CAMKMT: variants seen among roughly 807,000 people sequenced by gnomAD.
CAMKMT encodes the protein calmodulin-lysine N-methyltransferase.
In CAMKMT, 53 loss-of-function variants were observed where a neutral mutation model predicts 48.0. The ratio of observed to expected loss-of-function variants is 1.10; its 90% CI spans 0.89 to 1.39. The LOEUF (loss-of-function observed/expected upper bound fraction) is 1.39, where lower values mean the gene tolerates loss of function less well. Ranked by LOEUF, CAMKMT falls within the 40% of genes most tolerant of loss-of-function variation. The pLI, the probability that CAMKMT is intolerant of heterozygous loss-of-function variation, is 0.00. For missense variants in CAMKMT, 428 were observed against 402.7 expected, an observed-to-expected ratio of 1.06 and a Z score of -0.54; for synonymous variants, 165 against 152.3, an observed-to-expected ratio of 1.08 and a Z score of -0.61.
intron 3 of CAMKMT, among the ~76,000 whole-genome samples, chr2:44,601,994 T>C (rs1487880890): frequency 6.6e-6 from 1 of 152,062 alleles, no homozygotes; most frequent in African/African-American, 2.4e-5. Flanking sequence ...AGTCTGCTTT[T>C]TAAAAATATA....
At chr2:44,397,229 AAG>A (rs1681938950) in intron 3 of CAMKMT, among the ~76,000 whole-genome samples, 1 of 152,280 alleles carries the variant, frequency 6.6e-6, no homozygotes, top group Admixed American at 6.5e-5. Context: ...GGAAAGTACA[AAG>A]AGGTTAAAGT....
At chr2:44,418,231 T>C (rs571433078) in intron 3 of CAMKMT, among the ~76,000 whole-genome samples, 47 of 151,560 alleles carry the variant, frequency 3.1e-4, no homozygotes, top group Non-Finnish European at 1.3e-4. Context: ...GCTTATTATA[T>C]ACTCTGAAGA....
chr2:44,378,739 A>G (rs1473565535), intron 2 of CAMKMT, among the ~76,000 whole-genome samples: 5 of 152,122 alleles, frequency 3.3e-5, no homozygotes, highest in Non-Finnish European at 7.4e-5. Flanking sequence ...TGATCCACCC[A>G]CCTTGGCCTC....
At chr2:44,410,586 T>C (rs759412570) in intron 3 of CAMKMT, among the ~76,000 whole-genome samples, 1 of 152,038 alleles carries the variant, frequency 6.6e-6, no homozygotes, top group Non-Finnish European at 1.5e-5. Flanking sequence ...TCCAAATCTA[T>C]TGAAAGCCCA....
intron 3 of CAMKMT, among the ~76,000 whole-genome samples, chr2:44,553,224 A>C (rs1667817289): frequency 6.6e-6 from 1 of 152,190 alleles, no homozygotes; most frequent in African/African-American, 2.4e-5. Flanking sequence ...CCAGAAGGCC[A>C]CATGTGTAGA....
At chr2:44,760,377 G>A (rs553583855) in intron 9 of CAMKMT, among the ~76,000 whole-genome samples, 1 of 152,154 alleles carries the variant, frequency 6.6e-6, no homozygotes, top group Admixed American at 6.5e-5. Context: ...AGGGCAGGAA[G>A]ATGAAGTTAA....
intron 9 of CAMKMT, among the ~76,000 whole-genome samples, chr2:44,758,470 G>C (rs968996319): frequency 6.6e-6 from 1 of 152,144 alleles, no homozygotes; most frequent in Non-Finnish European, 1.5e-5. Context: ...GGGAATATTT[G>C]TTACCACCTG....
chr2:44,363,728 T>C (rs2104326200), intron 1 of CAMKMT, among the ~76,000 whole-genome samples: 1 of 149,838 alleles, frequency 6.7e-6, no homozygotes, highest in Non-Finnish European at 1.5e-5. Context: ...CTTACTGTGT[T>C]GCCCAGACGT....
chr2:44,710,168 T>C (rs1168625917), intron 6 of CAMKMT, among the ~76,000 whole-genome samples: 1 of 152,098 alleles, frequency 6.6e-6, no homozygotes, highest in African/African-American at 2.4e-5. Flanking sequence ...CTATTTGTTT[T>C]AGTATGTGAG....
At chr2:44,727,761 T>C (rs901522229) in intron 7 of CAMKMT, among the ~76,000 whole-genome samples, 1 of 152,150 alleles carries the variant, frequency 6.6e-6, no homozygotes, top group Non-Finnish European at 1.5e-5. Flanking sequence ...AGATGGCTCT[T>C]ATTATTTTGA....
intron 3 of CAMKMT, among the ~76,000 whole-genome samples, chr2:44,641,298 A>G (rs1032872481): frequency 7.9e-5 from 12 of 152,070 alleles, no homozygotes; most frequent in Admixed American, 7.2e-4. Flanking sequence ...TCTAATGTAC[A>G]TCTTTTTAAG....
At chr2:44,445,052 ATGG>A (rs1666897834) in intron 3 of CAMKMT, among the ~76,000 whole-genome samples, 1 of 152,194 alleles carries the variant, frequency 6.6e-6, no homozygotes, top group Admixed American at 6.5e-5. Flanking sequence ...GCAGGTGAGC[ATGG>A]CTAGTTTCTG....
chr2:44,668,874 C>T (rs1283276442), intron 3 of CAMKMT, among the ~76,000 whole-genome samples: 3 of 152,044 alleles, frequency 2.0e-5, no homozygotes, highest in African/African-American at 7.2e-5. Flanking sequence ...CTCTGCCTCC[C>T]AGGTTGAAGC....
intron 7 of CAMKMT, among the ~76,000 whole-genome samples, chr2:44,721,071 A>G (rs1678438219): frequency 6.6e-6 from 1 of 152,166 alleles, no homozygotes; most frequent in East Asian, 1.9e-4. Context: ...AGTTTTCCAA[A>G]CAAACAATCA....
chr2:44,735,193 G>A lies in CAMKMT; in HGVS notation c.624-8429G>A, dbSNP rs1200744732. Among the ~76,000 whole-genome samples, 3 of 152,094 alleles carry A rather than the reference G, an allele frequency of 2.0e-5. No homozygotes were observed. The East Asian group carries it at 5.8e-4, about 29-fold the overall frequency. ...AGCTTTCTTTTGACTAGTGTTGCTTGGTATAGCTTTGTCCATCTTTTTACT... is the reference window on the plus strand; with the variant it reads ...AGCTTTCTTTTGACTAGTGTTGCTTAGTATAGCTTTGTCCATCTTTTTACT... On this transcript the variant is annotated intron_variant, in intron 7 of 10. Coordinates refer to ENST00000378494, the MANE Select transcript of CAMKMT (RefSeq NM_024766.5).
At chr2:44,512,341 T>G (rs1670605762) in intron 3 of CAMKMT, among the ~76,000 whole-genome samples, 1 of 152,226 alleles carries the variant, frequency 6.6e-6, no homozygotes, top group South Asian at 2.1e-4. Flanking sequence ...GCTGTAGGGA[T>G]GAAATAAGAA....
chr2:44,715,369 G>A lies in CAMKMT; in HGVS notation c.623+16G>A, dbSNP rs1337269949. ...TATCAAGCTGGTAAGATACCTTTCT[G>A]CATTAAAAAATTCCCATTGAAATTG... On this transcript the variant is annotated intron_variant, in intron 7 of 10. Coordinates refer to ENST00000378494, the MANE Select transcript of CAMKMT (RefSeq NM_024766.5). 1.9e-6 allele frequency: 3 copies of A among 1,594,550 alleles called. No individual in the cohort carries two copies. Among genetic ancestry groups the A allele is most frequent in the Non-Finnish European group, 2.6e-6 (3 of 1,167,166 alleles).
In CAMKMT at chr2:44,653,696, T is replaced by G. The variant is rs1055811855; in HGVS notation, c.377-50587T>G. Reference sequence around the variant, plus strand: ...TGACCAACCAAGATTAATGAAAAATTTTATCCCCCTTTTAAGTAAATTAAT... The same window carrying G: ...TGACCAACCAAGATTAATGAAAAATGTTATCCCCCTTTTAAGTAAATTAAT... On this transcript the variant is annotated intron_variant, in intron 3 of 10. Transcript: ENST00000378494. The surrounding 1 kb of genome is among the most constrained non-coding windows in gnomAD (Gnocchi z 5.2). Among the ~76,000 whole-genome samples the G allele has an allele frequency of 6.6e-5, 10 of 152,162 alleles. No homozygotes were observed. Among genetic ancestry groups the G allele is most frequent in the South Asian group, 2.1e-4 (1 of 4,830 alleles).
chr2:44,700,351 G>T (rs965464166), intron 3 of CAMKMT, among the ~76,000 whole-genome samples: 22 of 152,174 alleles, frequency 1.4e-4, no homozygotes, highest in African/African-American at 5.3e-4. Context: ...GTTCCTTCAA[G>T]AACTTTTCTT....
Sources: allele counts gnomAD v4.1 joint callset (sites outside exome capture counted in the v4.1 genomes callset), GRCh38; gene constraint gnomAD v4.1.1; non-coding constraint Gnocchi (gnomAD v3.1); transcripts MANE v1.5; gene names NCBI Gene and HGNC (gene_info 2026-07-23, HGNC 2026-07-21).